Variants in SLC24A2 observed in about 807,000 individuals in gnomAD.
SLC24A2 encodes the protein solute carrier family 24 member 2.
SLC24A2 carries 36 observed loss-of-function variants against 62.0 expected under a neutral mutation model. That is an observed-to-expected ratio of 0.58 (90% CI 0.44 to 0.77). The LOEUF (loss-of-function observed/expected upper bound fraction) is 0.77, where lower values mean the gene tolerates loss of function less well. Ranked by LOEUF, SLC24A2 falls within the 30% of genes least tolerant of loss-of-function variation. The pLI, the probability that SLC24A2 is intolerant of heterozygous loss-of-function variation, is 0.00. For missense variants in SLC24A2, 846 were observed against 817.9 expected (o/e 1.03, Z -0.42); for synonymous variants, 358 against 294.0 (o/e 1.22, Z -2.23).
At chr9:20,149,032 T>G in the SLC24A2 span, among the ~76,000 whole-genome samples, 2 of 152,060 alleles carry the variant, frequency 1.3e-5, no homozygotes, top group African/African-American at 4.8e-5. Flanking sequence ...TCCTTTTTAA[T>G]GTATGTATGA....
chr9:20,015,909 T>A, the SLC24A2 span, among the ~76,000 whole-genome samples: 1 of 152,240 alleles, frequency 6.6e-6, no homozygotes, highest in Non-Finnish European at 1.5e-5. Flanking sequence ...TAAGACTGCA[T>A]GTAAATGAAT....
At chr9:20,290,580 A>C in the SLC24A2 span, among the ~76,000 whole-genome samples, 1 of 152,144 alleles carries the variant, frequency 6.6e-6, no homozygotes, top group Non-Finnish European at 1.5e-5. Flanking sequence ...TAGCGGCTGG[A>C]ATGAGTCTCT....
chr9:20,284,098 G>T, the SLC24A2 span, among the ~76,000 whole-genome samples: 1 of 152,112 alleles, frequency 6.6e-6, no homozygotes, highest in Non-Finnish European at 1.5e-5. Context: ...GAGGCAATGC[G>T]ATAATTGCCG....
chr9:19,796,366 T>C, the SLC24A2 span, among the ~76,000 whole-genome samples: 1 of 152,234 alleles, frequency 6.6e-6, no homozygotes, highest in African/African-American at 2.4e-5. Context: ...AACATGTCAG[T>C]TGAACTTCCT....
chr9:19,519,270 A>G (rs1563927234), intron 10 of SLC24A2, among the ~76,000 whole-genome samples: 1 of 152,220 alleles, frequency 6.6e-6, no homozygotes. Flanking sequence ...TTTGTGAAAT[A>G]TATGGAAGAG....
At chr9:19,759,469 A>G (rs1822246349) in intron 2 of SLC24A2, among the ~76,000 whole-genome samples, 1 of 152,230 alleles carries the variant, frequency 6.6e-6, no homozygotes, top group Admixed American at 6.5e-5. Flanking sequence ...AAATTATCCC[A>G]TAAAAGCAGA....
the SLC24A2 span, among the ~76,000 whole-genome samples, chr9:20,194,099 A>C: frequency 9.2e-5 from 14 of 152,214 alleles, no homozygotes; most frequent in Non-Finnish European, 1.6e-4. Flanking sequence ...TTGGGAAAAC[A>C]AAAGTAAGCA....
chr9:20,281,819 A>G, the SLC24A2 span, among the ~76,000 whole-genome samples: 1 of 152,240 alleles, frequency 6.6e-6, no homozygotes, highest in African/African-American at 2.4e-5. Context: ...CATATAGAAT[A>G]ATCTGGGGAA....
chr9:19,568,071 C>T (rs768094144), intron 7 of SLC24A2, among the ~76,000 whole-genome samples: 10 of 152,082 alleles, frequency 6.6e-5, no homozygotes, highest in Admixed American at 6.5e-5. Context: ...TCATAATTTC[C>T]GCTAATAAAG....
chr9:20,069,455 T>C, the SLC24A2 span, among the ~76,000 whole-genome samples: 2 of 152,222 alleles, frequency 1.3e-5, no homozygotes, highest in African/African-American at 4.8e-5. Context: ...AGAAAGTGTA[T>C]AAACTTATAT....
intron 2 of SLC24A2, among the ~76,000 whole-genome samples, chr9:19,782,316 C>T (rs1415644303): frequency 6.6e-6 from 1 of 152,190 alleles, no homozygotes; most frequent in Non-Finnish European, 1.5e-5. Flanking sequence ...GCTATACAGA[C>T]ATTTTAAGAA....
At chr9:20,069,646 G>A in the SLC24A2 span, among the ~76,000 whole-genome samples, 2 of 152,014 alleles carry the variant, frequency 1.3e-5, no homozygotes, top group Admixed American at 6.5e-5. Flanking sequence ...TTTTATTTTC[G>A]TCACCTATGT....
chr9:19,900,047 T>C, the SLC24A2 span, among the ~76,000 whole-genome samples: 2 of 152,176 alleles, frequency 1.3e-5, no homozygotes, highest in South Asian at 2.1e-4. Flanking sequence ...GGAGGGGCCA[T>C]TGCTAATCAT....
At chr9:19,970,901 C>A in the SLC24A2 span, among the ~76,000 whole-genome samples, 1 of 152,068 alleles carries the variant, frequency 6.6e-6, no homozygotes, top group Non-Finnish European at 1.5e-5. Flanking sequence ...TATGATTGGA[C>A]AGAAATATAA....
the SLC24A2 span, among the ~76,000 whole-genome samples, chr9:19,916,880 A>G: frequency 1.3e-5 from 2 of 151,674 alleles, no homozygotes; most frequent in Non-Finnish European, 3.0e-5. Flanking sequence ...AAAAATTTTA[A>G]GAATTTTAAG....
the SLC24A2 span, among the ~76,000 whole-genome samples, chr9:20,164,750 A>G: frequency 6.6e-6 from 1 of 151,822 alleles, no homozygotes; most frequent in Admixed American, 6.6e-5. Flanking sequence ...TCCAACAATG[A>G]TAGACTGGAT....
the SLC24A2 span, among the ~76,000 whole-genome samples, chr9:20,238,251 A>T: frequency 0.01 from 1,549 of 152,242 alleles, 28 homozygotes; most frequent in African/African-American, 0.034. Flanking sequence ...TATTTTTCAC[A>T]TGTTATGAAT....
intron 2 of SLC24A2, among the ~76,000 whole-genome samples, chr9:19,714,910 G>A (rs1170799793): frequency 6.6e-6 from 1 of 152,082 alleles, no homozygotes; most frequent in East Asian, 1.9e-4. Context: ...ATTAACAGTG[G>A]TTCTCAGGGG....
chr9:19,611,043 A>G (rs892551405), intron 4 of SLC24A2, among the ~76,000 whole-genome samples: 1 of 152,172 alleles, frequency 6.6e-6, no homozygotes, highest in African/African-American at 2.4e-5. Context: ...GGAGAGTGAG[A>G]ACTCGGATTC....
Sources: allele counts gnomAD v4.1 joint callset (sites outside exome capture counted in the v4.1 genomes callset), GRCh38; gene constraint gnomAD v4.1.1; transcripts MANE v1.5; gene names NCBI Gene and HGNC (gene_info 2026-07-23, HGNC 2026-07-21).